UNC79: variants seen among roughly 807,000 people sequenced by gnomAD.
UNC79 encodes protein unc-79 homolog.
UNC79 carries 37 observed loss-of-function variants against 283.1 expected under a neutral mutation model. That is an observed-to-expected ratio of 0.13 (90% CI 0.10 to 0.17). The LOEUF is 0.17. Ranked by LOEUF, UNC79 falls within the 10% of genes least tolerant of loss-of-function variation. The pLI, the probability that UNC79 is intolerant of heterozygous loss-of-function variation, is 1.00. For missense variants in UNC79, 2,272 were observed against 3,211.1 expected, an observed-to-expected ratio of 0.71 and a Z score of 7.07; for synonymous variants, 1,107 against 1,200.2, an observed-to-expected ratio of 0.92 and a Z score of 1.61.
chr14:93,560,764 C>G (rs188801662), intron 14 of UNC79, among the ~76,000 whole-genome samples: 3 of 151,406 alleles, frequency 2.0e-5, no homozygotes, highest in African/African-American at 7.3e-5. Flanking sequence ...TTGTGCCAGG[C>G]AAAACTGGAA....
At chr14:93,662,618 A>G (rs757228970) in exon 40 of UNC79, 1 of 1,606,340 alleles carries the variant, frequency 6.2e-7, no homozygotes, top group Non-Finnish European at 8.5e-7. Context: ...TGTTGGAACC[A>G]TTTTCAAAAC....
At chr14:93,404,513 T>TATATATATATATATATATATATATATAA (rs1229909876) in intron 1 of UNC79, among the ~76,000 whole-genome samples, 128 of 113,106 alleles carry the variant, frequency 1.1e-3, no homozygotes, top group Middle Eastern at 4.9e-3. Context: ...TATATATATA[T>TATATATATATATATATATATATATATAA]AAATATATAC....
intron 1 of UNC79, among the ~76,000 whole-genome samples, chr14:93,438,680 G>C (rs944276515): frequency 2.4e-4 from 34 of 144,652 alleles, no homozygotes; most frequent in African/African-American, 8.5e-4. Flanking sequence ...TTTTTTTCAC[G>C]TAACCCTCAT....
At position 93,348,041 on chromosome 14, in the gene UNC79, G is replaced by C. The variant is rs201893758; in HGVS notation, c.-351+14518G>C. 4.1e-5 allele frequency: 66 copies of C among 1,610,026 alleles called. No homozygotes were observed. The East Asian group carries it at 1.4e-3, about 34-fold the overall frequency. ...CTTCTCTTCCAGGAAATGGCTGTTGGACTTGTGGTGTTTTTTACGACCTTC... is the reference window on the plus strand; with the variant it reads ...CTTCTCTTCCAGGAAATGGCTGTTGCACTTGTGGTGTTTTTTACGACCTTC... On this transcript the variant is annotated intron_variant, in intron 1 of 49. Coordinates refer to the UNC79 transcript ENST00000256339.
At chr14:93,362,206 A>T (rs1054001743) in intron 1 of UNC79, among the ~76,000 whole-genome samples, 1 of 152,030 alleles carries the variant, frequency 6.6e-6, no homozygotes, top group East Asian at 1.9e-4. Context: ...CCTCAGAATG[A>T]GTTAGTGAGG....
chr14:93,582,060 G>A (rs1311622682), intron 19 of UNC79, 143 bp from the exon 20 acceptor site: 37 of 1,161,700 alleles, frequency 3.2e-5, no homozygotes, highest in South Asian at 2.6e-4. Context: ...GGGTCTTCTG[G>A]GGTGTGGTGC....
At chr14:93,473,936 C>T (rs1217973310) in intron 2 of UNC79, among the ~76,000 whole-genome samples, 153 bp from the exon 3 acceptor site, 1 of 152,170 alleles carries the variant, frequency 6.6e-6, no homozygotes, top group East Asian at 1.9e-4. Flanking sequence ...GCTATGTGAC[C>T]AGTACTAGAC....
chr14:93,586,088 G>A (rs2064205588), intron 20 of UNC79, among the ~76,000 whole-genome samples: 1 of 152,094 alleles, frequency 6.6e-6, no homozygotes. Flanking sequence ...CACCATGTTG[G>A]CCATGCTGGT....
At chr14:93,588,245 G>C (rs117392869) in intron 22 of UNC79, among the ~76,000 whole-genome samples, 1 of 152,078 alleles carries the variant, frequency 6.6e-6, no homozygotes, top group Non-Finnish European at 1.5e-5. Context: ...TCAGAGGTGT[G>C]CTTTACTAGA....
upstream of UNC79, among the ~76,000 whole-genome samples, chr14:93,429,564 A>G (rs1011385084): frequency 3.9e-5 from 6 of 152,138 alleles, no homozygotes; most frequent in Admixed American, 1.3e-4. Context: ...ATTTTTCTTA[A>G]TTGTCCAAGA....
At chr14:93,591,783 T>C (rs1378991675) in intron 22 of UNC79, among the ~76,000 whole-genome samples, 1 of 152,220 alleles carries the variant, frequency 6.6e-6, no homozygotes, top group Non-Finnish European at 1.5e-5. Flanking sequence ...TTTACGGTAT[T>C]GCACTAAACA....
At chr14:93,568,786 T>C (rs1166595610) in intron 14 of UNC79, among the ~76,000 whole-genome samples, 6 of 152,260 alleles carry the variant, frequency 3.9e-5, no homozygotes, top group African/African-American at 1.4e-4. Context: ...ATTGTGTTTC[T>C]GGCAGATGGA....
chr14:93,582,971 G>A (rs76562243), intron 20 of UNC79, among the ~76,000 whole-genome samples: 2,209 of 152,122 alleles, frequency 0.015, 54 homozygotes, highest in African/African-American at 0.051. Context: ...ATGAGACCTG[G>A]GGCAAATTTG....
At chr14:93,359,740 G>A (rs953246273) in intron 1 of UNC79, among the ~76,000 whole-genome samples, 1 of 152,168 alleles carries the variant, frequency 6.6e-6, no homozygotes, top group African/African-American at 2.4e-5. Context: ...TAAAAAGAGA[G>A]AATCATGTCC....
rs1319847496 is a variant in UNC79 at position 93,615,741 on chromosome 14, A to AAG, written c.4042-1380_4042-1379insGA. On this transcript the variant is annotated intron_variant, in intron 27 of 48. Coordinates refer to ENST00000555664, the Ensembl canonical transcript of UNC79. ...ATCTCAAAAAAAAAAAAAAAAAAAA[A>AAG]AAAAGAAAAGAAGAAAAGAAGAAAA... 4.3e-3 allele frequency among the ~76,000 whole-genome samples: 615 copies of AAG among 142,482 alleles called. 1 individual carries two copies. The highest frequency in any genetic ancestry group is 0.017 in the African/African-American group (595 of 34,136). The allele number at this position is 142,482 out of a possible 152,430, so 93.5% of individuals were successfully genotyped here.
chr14:93,668,978 T>TAA (rs543609091), intron 40 of UNC79, among the ~76,000 whole-genome samples: 4,171 of 79,750 alleles, frequency 0.052, 179 homozygotes, highest in Non-Finnish European at 0.081. Flanking sequence ...GAACATTGTC[T>TAA]AAAAAAAAAA....
Position 93,575,142 on chromosome 14 carries a change from G to T in UNC79, c.2155G>T (p.Ala719Ser), listed in dbSNP as rs147507350. 270 of 1,613,948 alleles carry T rather than the reference G, an allele frequency of 1.7e-4. No homozygotes were observed. The Middle Eastern group carries it at 2.0e-3, about 12-fold the overall frequency. Residue 719 changes from alanine (A) to serine (S), a missense_variant, in exon 17 of 49, where the codon GCA becomes TCA. Around this residue, in one of 11 missense-constraint regions of UNC79, gnomAD observed 356 missense variants for 416.2 expected, o/e 0.86. Transcript: ENST00000555664. ...TGGAGTTAATTCAGTCAAAGAGCTG[G>T]CAAATCAAAGAAAATCAAGAGTCAG... is the stretch of plus-strand genomic sequence containing the variant.
intron 8 of UNC79, among the ~76,000 whole-genome samples, chr14:93,524,769 G>A (rs551970325): frequency 1.2e-4 from 19 of 152,282 alleles, no homozygotes; most frequent in African/African-American, 4.3e-4. Context: ...TATTTGGCTG[G>A]ATGAACCTGT....
chr14:93,479,800 TA>T (rs2058028754), intron 4 of UNC79, among the ~76,000 whole-genome samples: 1 of 152,080 alleles, frequency 6.6e-6, no homozygotes, highest in African/African-American at 2.4e-5. Flanking sequence ...CCCAGCTAAT[TA>T]AAAAAATTTT....
Sources: allele counts gnomAD v4.1 joint callset (sites outside exome capture counted in the v4.1 genomes callset), GRCh38; gene constraint gnomAD v4.1.1; regional missense constraint gnomAD v4.1.1; transcripts MANE v1.5; gene names NCBI Gene and HGNC (gene_info 2026-07-23, HGNC 2026-07-21).